WNT16: variants seen among roughly 807,000 people sequenced by gnomAD.
WNT16 encodes protein Wnt-16.
In WNT16, 20 loss-of-function variants were observed where a neutral mutation model predicts 35.4. The ratio of observed to expected loss-of-function variants is 0.56; its 90% CI spans 0.40 to 0.82. The LOEUF (loss-of-function observed/expected upper bound fraction) is 0.82, where lower values mean the gene tolerates loss of function less well. WNT16 is among the 40% of genes least tolerant of loss of function. The pLI, the probability that WNT16 is intolerant of heterozygous loss-of-function variation, is 0.00. For synonymous variants in WNT16, 180 were observed against 179.2 expected (o/e 1.00, Z -0.03); for missense variants, 461 against 466.0 (o/e 0.99, Z 0.10).
intron 2 of WNT16, 126 bp from the exon 3 acceptor site, chr7:121,331,552 G>A (rs1793345910): frequency 2.5e-6 from 2 of 788,348 alleles, no homozygotes; most frequent in South Asian, 1.9e-5. Flanking sequence ...ATATGTACTC[G>A]TTAACGCATC....
Position 121,329,333 on chromosome 7 carries a change from C to T in WNT16, c.41C>T (p.Ala14Val), listed in dbSNP as rs1237081309. The T allele has an allele frequency of 6.3e-7, 1 of 1,599,718 alleles. No individual in the cohort carries two copies. The highest frequency in any genetic ancestry group is 1.7e-4 in the Middle Eastern group (1 of 5,858). Residue 14 changes from alanine (A) to valine (V), a missense_variant, in exon 1 of 4, where the codon GCG becomes GTG. Ala to Val is a moderately conservative substitution (Grantham distance 64). Coordinates refer to ENST00000222462, the MANE Select transcript of WNT16 (RefSeq NM_057168.2). ...AALLGLARLC[A>V]LWAALLVLFP... ...CTCCTGGGACTGGCCCGCTTGTGCGCGCTGTGGGCAGCCCTGCTCGTGCTG... is the reference window on the plus strand; with the variant it reads ...CTCCTGGGACTGGCCCGCTTGTGCGTGCTGTGGGCAGCCCTGCTCGTGCTG...
At chr7:121,338,248 A>C (rs1793470454) in intron 3 of WNT16, among the ~76,000 whole-genome samples, 1 of 151,896 alleles carries the variant, frequency 6.6e-6, no homozygotes, top group African/African-American at 2.4e-5. Flanking sequence ...TGGACACCCC[A>C]CCCCCTGCCC....
intron 3 of WNT16, among the ~76,000 whole-genome samples, chr7:121,338,443 A>G (rs1793474309): frequency 6.6e-6 from 1 of 152,180 alleles, no homozygotes; most frequent in Non-Finnish European, 1.5e-5. Flanking sequence ...GAGTCTGCAT[A>G]TCTCACAAGT....
At chr7:121,337,142 C>T (rs1484288946) in intron 3 of WNT16, among the ~76,000 whole-genome samples, 1 of 152,054 alleles carries the variant, frequency 6.6e-6, no homozygotes, top group Non-Finnish European at 1.5e-5. Context: ...TTATAAATTG[C>T]TGTCATATAA....
rs746327106 is a variant in WNT16, at chr7:121,331,594, G to C, written c.347-84G>C. The C allele has an allele frequency of 6.2e-5, 82 of 1,315,060 alleles. 1 individual carries two copies. In the South Asian group the frequency reaches 9.2e-4, roughly 15 times the overall value. 81.5% of individuals were successfully genotyped at this position (1,315,060 alleles called of 1,614,324 possible). ...AAGCAACTGAAAAATTACTTGTCCAGTAAGATCATGAGTAGGAGGCTTTCT... is the reference window on the plus strand; with the variant it reads ...AAGCAACTGAAAAATTACTTGTCCACTAAGATCATGAGTAGGAGGCTTTCT... On this transcript the variant is annotated intron_variant, in intron 2 of 3. Coordinates refer to ENST00000222462, the MANE Select transcript of WNT16 (RefSeq NM_057168.2).
chr7:121,331,538 C>A, intron 2 of WNT16, 140 bp from the exon 3 acceptor site: 1 of 720,752 alleles, frequency 1.4e-6, no homozygotes. Flanking sequence ...ATCTTCCTTT[C>A]TAAATATGTA....
chr7:121,331,999 T>C (rs1793358072), intron 3 of WNT16, 35 bp downstream of exon 3: 5 of 1,602,488 alleles, frequency 3.1e-6, no homozygotes, highest in Non-Finnish European at 4.3e-6. Flanking sequence ...CAAAACCCAG[T>C]GCTGTTAGGT....
intron 3 of WNT16, among the ~76,000 whole-genome samples, chr7:121,337,243 T>C (rs1341610716): frequency 2.0e-5 from 3 of 152,230 alleles, no homozygotes; most frequent in Non-Finnish European, 2.9e-5. Context: ...AAATGTGCCA[T>C]ATGCACTACT....
chr7:121,325,563 C>T, upstream of WNT16: 1 of 1,358,212 alleles, frequency 7.4e-7, no homozygotes, highest in Non-Finnish European at 1.0e-6. Context: ...CGTAAGGAAC[C>T]ATAGACACCA....
At chr7:121,334,543 T>G (rs1793406977) in intron 3 of WNT16, among the ~76,000 whole-genome samples, 1 of 152,118 alleles carries the variant, frequency 6.6e-6, no homozygotes, top group Admixed American at 6.5e-5. Flanking sequence ...AAAATCCAGG[T>G]CTGTATTCAA....
rs1793520864 is a variant in WNT16 at position 121,340,853 on chromosome 7, A to T, written c.*1508A>T. On this transcript the variant is annotated 3_prime_UTR_variant, in exon 4 of 4. Coordinates refer to ENST00000222462, the MANE Select transcript of WNT16 (RefSeq NM_057168.2). ...AGGATGTATTTTAATGTAAATGCTTATGTTTTTTATGAATTGTTAAATATT... is the reference window on the plus strand; with the variant it reads ...AGGATGTATTTTAATGTAAATGCTTTTGTTTTTTATGAATTGTTAAATATT... The T allele has an allele frequency of 6.6e-6, 1 of 152,114 alleles. No homozygotes were observed. Among genetic ancestry groups the T allele is most frequent in the African/African-American group, 2.4e-5 (1 of 41,420 alleles). 9.4% of individuals were successfully genotyped at this position (152,114 alleles called of 1,614,324 possible).
rs1793510512 is a variant in WNT16, at chr7:121,340,154, G to A, written c.*809G>A. The A allele has an allele frequency of 1.3e-5, 2 of 152,072 alleles. No homozygotes were observed. 9.4% of individuals were successfully genotyped at this position (152,072 alleles called of 1,614,324 possible). ...TTAAAAACCCACCTCTGAGATACTG[G>A]GGGGAGGATCCTGAAACATGCGGGA... is the stretch of plus-strand genomic sequence containing the variant. On this transcript the variant is annotated 3_prime_UTR_variant, in exon 4 of 4. Coordinates refer to ENST00000222462, the MANE Select transcript of WNT16 (RefSeq NM_057168.2).
At chr7:121,325,438 G>A (rs372921806), upstream of WNT16, 7 of 1,613,620 alleles carry the variant, frequency 4.3e-6, no homozygotes, top group African/African-American at 5.3e-5. Context: ...ACTTGCCTCA[G>A]GGAGACCCTC....
rs1793500632 is a variant in WNT16 at position 121,339,565 on chromosome 7, T to G, written c.*220T>G. 2 of 527,982 alleles carry G rather than the reference T, an allele frequency of 3.8e-6. No homozygotes were observed. The highest frequency in any genetic ancestry group is 3.5e-5 in the South Asian group (1 of 28,578). 32.7% of individuals were successfully genotyped at this position (527,982 alleles called of 1,614,324 possible). A position where few individuals can be genotyped will look rare whatever the true frequency, so the allele number is the denominator to read the frequency against. ...CTTGGGATTCTAATGTTGAAAAGGT[T>G]TATATTCACCTTTTGATGATTTGGG... On this transcript the variant is annotated 3_prime_UTR_variant, in exon 4 of 4. Transcript: ENST00000222462.
upstream of WNT16, among the ~76,000 whole-genome samples, chr7:121,327,813 C>T (rs1038005174): frequency 6.6e-6 from 1 of 152,202 alleles, no homozygotes; most frequent in African/African-American, 2.4e-5. Flanking sequence ...AATACCACAG[C>T]TAAACACGTT....
rs1254005549 is a variant in WNT16 at position 121,331,920 on chromosome 7, G to A, written c.589G>A (p.Val197Ile). Residue 197 changes from valine (V) to isoleucine (I), a missense_variant, in exon 3 of 4, where the codon GTA becomes ATA. By Grantham distance (29) the Val-to-Ile change is conservative. Transcript: ENST00000222462. ...AAACACCACGGGCAAAGAAAACAAA[G>A]TACTATTAGCAATGAACCTACATAA... ...IGNTTGKENK[V>I]LLAMNLHNNE... 3 of 1,614,136 alleles carry A rather than the reference G, an allele frequency of 1.9e-6. No individual in the cohort carries two copies. Among genetic ancestry groups the A allele is most frequent in the Admixed American group, 1.7e-5 (1 of 60,022 alleles).
chr7:121,328,654 G>A (rs897547186), upstream of WNT16, among the ~76,000 whole-genome samples: 1 of 152,202 alleles, frequency 6.6e-6, no homozygotes, highest in African/African-American at 2.4e-5. Flanking sequence ...ACACCCAGAG[G>A]GTAACCCAGA....
intron 1 of WNT16, 56 bp from the exon 2 acceptor site, chr7:121,329,511 G>C (rs1187257555): frequency 6.2e-7 from 1 of 1,601,224 alleles, no homozygotes; most frequent in Non-Finnish European, 8.5e-7. Context: ...CTAATTTTTC[G>C]GAAAACATCT....
chr7:121,333,172 A>G (rs1793381322), intron 3 of WNT16, among the ~76,000 whole-genome samples: 1 of 152,076 alleles, frequency 6.6e-6, no homozygotes, highest in Non-Finnish European at 1.5e-5. Flanking sequence ...TTCTTTTGAA[A>G]TAAATAAAAC....
Sources: gnomAD v4.1 joint callset for allele counts (sites outside exome capture counted in the v4.1 genomes callset) on GRCh38, gnomAD v4.1.1 for gene constraint, MANE v1.5 for transcripts, NCBI Gene and HGNC (gene_info 2026-07-23, HGNC 2026-07-21) for gene names.